Variants in OPCML observed in about 807,000 individuals in gnomAD.
OPCML encodes the protein opioid binding protein/cell adhesion molecule like.
Under a neutral mutation model 37.8 loss-of-function variants are expected in OPCML, and 13 were observed. The observed-to-expected ratio is 0.34, with a 90% CI of 0.22 to 0.55. The LOEUF (loss-of-function observed/expected upper bound fraction) is 0.55, where lower values mean the gene tolerates loss of function less well. Among genes scored for constraint, OPCML ranks in the 20% least tolerant of loss-of-function variants. The pLI, the probability that OPCML is intolerant of heterozygous loss-of-function variation, is 0.91. For missense variants in OPCML, 341 were observed against 435.6 expected (o/e 0.78, Z 1.93); for synonymous variants, 176 against 168.8 (o/e 1.04, Z -0.33).
intron 2 of OPCML, among the ~76,000 whole-genome samples, chr11:132,714,841 T>G (rs939640858): frequency 1.3e-5 from 2 of 152,178 alleles, no homozygotes; most frequent in Non-Finnish European, 2.9e-5. Flanking sequence ...CACAGTTATA[T>G]TTTATTCCAG....
chr11:133,281,238 CAATGTTGGAGGTGGGG>C (rs1390775828), intron 1 of OPCML, among the ~76,000 whole-genome samples: 3 of 152,102 alleles, frequency 2.0e-5, no homozygotes, highest in African/African-American at 7.2e-5. Context: ...ATATGATCCC[CAATGTTGGAGGTGGGG>C]CCTGGTGGGA....
intron 2 of OPCML, among the ~76,000 whole-genome samples, chr11:132,694,302 G>A (rs1000162020): frequency 7.0e-6 from 1 of 143,320 alleles, no homozygotes; most frequent in African/African-American, 2.6e-5. Context: ...GGGTTCAAGC[G>A]ATTCCCCTGC....
chr11:132,553,240 A>G (rs1473266658), intron 3 of OPCML, among the ~76,000 whole-genome samples: 1 of 152,210 alleles, frequency 6.6e-6, no homozygotes, highest in African/African-American at 2.4e-5. Context: ...CCAGGTACCA[A>G]GCACAGCATC....
At chr11:132,770,096 GA>G (rs200061831) in intron 2 of OPCML, among the ~76,000 whole-genome samples, 4 of 151,676 alleles carry the variant, frequency 2.6e-5, no homozygotes, top group Non-Finnish European at 4.4e-5. Flanking sequence ...TTAGAGGAAA[GA>G]AAAAAAATAA....
At chr11:133,254,485 G>A (rs527588342) in intron 1 of OPCML, among the ~76,000 whole-genome samples, 4 of 152,254 alleles carry the variant, frequency 2.6e-5, no homozygotes, top group Admixed American at 6.5e-5. Context: ...TCTTCAACCC[G>A]GGAAGGCAAA....
At chr11:132,643,786 C>T (rs777433733) in intron 3 of OPCML, among the ~76,000 whole-genome samples, 22 of 152,338 alleles carry the variant, frequency 1.4e-4, no homozygotes, top group Middle Eastern at 3.4e-3. Flanking sequence ...ATGCCTCTCT[C>T]ATTCAACAAG....
chr11:132,603,634 C>T (rs1322233706), intron 3 of OPCML, among the ~76,000 whole-genome samples: 1 of 152,156 alleles, frequency 6.6e-6, no homozygotes, highest in Non-Finnish European at 1.5e-5. Flanking sequence ...AGCTTAAAAA[C>T]CTTTTGGTGG....
At chr11:133,062,337 A>C (rs1948358528) in intron 1 of OPCML, among the ~76,000 whole-genome samples, 2 of 152,362 alleles carry the variant, frequency 1.3e-5, no homozygotes, top group East Asian at 3.9e-4. Flanking sequence ...TAAATCTCTC[A>C]GGTCCTTTTA....
At chr11:132,878,448 T>C (rs1377978738) in intron 2 of OPCML, among the ~76,000 whole-genome samples, 1 of 152,200 alleles carries the variant, frequency 6.6e-6, no homozygotes, top group African/African-American at 2.4e-5. Flanking sequence ...TTTCTCTCCC[T>C]GCCTGATGGG....
chr11:132,714,790 G>T (rs1237332460), intron 2 of OPCML, among the ~76,000 whole-genome samples: 2 of 152,174 alleles, frequency 1.3e-5, no homozygotes, highest in Non-Finnish European at 2.9e-5. Flanking sequence ...GATACAGAAA[G>T]AAAATCCCCA....
intron 4 of OPCML, among the ~76,000 whole-genome samples, chr11:132,526,955 T>C (rs2096310137): frequency 6.6e-6 from 1 of 152,112 alleles, no homozygotes; most frequent in Admixed American, 6.6e-5. Context: ...TTTCCTATTA[T>C]AGGATTTCAT....
At chr11:132,854,565 C>A (rs1351768251) in intron 2 of OPCML, among the ~76,000 whole-genome samples, 1 of 152,152 alleles carries the variant, frequency 6.6e-6, no homozygotes, top group East Asian at 1.9e-4. Context: ...CATTAGCATG[C>A]AAAAGGACTC....
chr11:133,423,793 T>C (rs1363931630), intron 1 of OPCML, among the ~76,000 whole-genome samples: 1 of 152,146 alleles, frequency 6.6e-6, no homozygotes, highest in East Asian at 1.9e-4. Context: ...TGGCTTGGCA[T>C]GCTCTCCACA....
intron 1 of OPCML, among the ~76,000 whole-genome samples, chr11:133,170,580 G>T (rs1211339274): frequency 6.6e-6 from 1 of 152,022 alleles, no homozygotes; most frequent in South Asian, 2.1e-4. Context: ...GTGAGTGGGG[G>T]TTAGCTTCTC....
intron 4 of OPCML, among the ~76,000 whole-genome samples, chr11:132,497,200 T>A (rs1171911061): frequency 1.3e-5 from 2 of 151,902 alleles, no homozygotes; most frequent in African/African-American, 2.4e-5. Flanking sequence ...TGAGAACACA[T>A]AGACACATGG....
chr11:132,848,301 A>AATT (rs1941642980), intron 2 of OPCML, among the ~76,000 whole-genome samples: 1 of 152,068 alleles, frequency 6.6e-6, no homozygotes, highest in Non-Finnish European at 1.5e-5. Context: ...CTGTGAACAC[A>AATT]ATTTCTACAA....
intron 1 of OPCML, among the ~76,000 whole-genome samples, chr11:133,286,347 A>G (rs12420236): frequency 0.3 from 44,806 of 151,264 alleles, 6,909 homozygotes; most frequent in South Asian, 0.38. Context: ...GCGGGCGCCT[A>G]TAGTCCCAGC....
chr11:132,608,890 G>T (rs1387353257), intron 3 of OPCML, among the ~76,000 whole-genome samples: 1 of 152,238 alleles, frequency 6.6e-6, no homozygotes, highest in East Asian at 1.9e-4. Context: ...TGTACCTCCA[G>T]TGTGTCGTGA....
intron 1 of OPCML, among the ~76,000 whole-genome samples, chr11:133,307,446 A>C (rs1194535600): frequency 6.6e-6 from 1 of 152,220 alleles, no homozygotes; most frequent in Non-Finnish European, 1.5e-5. Flanking sequence ...TACAGTGTAC[A>C]TAATACATAT....
Sources: gnomAD v4.1 joint callset for allele counts (sites outside exome capture counted in the v4.1 genomes callset) on GRCh38, gnomAD v4.1.1 for gene constraint, MANE v1.5 for transcripts, NCBI Gene and HGNC (gene_info 2026-07-23, HGNC 2026-07-21) for gene names.